The following FREM3 variants were observed in gnomAD, a reference collection of about 807,000 sequenced individuals.
FREM3 encodes the protein FRAS1 related extracellular matrix 3.
Under a neutral mutation model 129.1 loss-of-function variants are expected in FREM3, and 105 were observed. The observed-to-expected ratio is 0.81, with a 90% CI of 0.69 to 0.96. FREM3 has a LOEUF of 0.96. Among genes scored for constraint, FREM3 ranks in the 40% least tolerant of loss-of-function variants. The pLI is 0.00. For missense variants in FREM3, 2,593 were observed against 2,666.3 expected (o/e 0.97, Z 0.61); for synonymous variants, 1,014 against 1,044.9 (o/e 0.97, Z 0.57).
In FREM3 at chr4:143,700,396, G is replaced by A. The variant is rs770266549; in HGVS notation, c.280C>T (p.Arg94Trp). 6 of 1,534,476 alleles carry A rather than the reference G, an allele frequency of 3.9e-6. No homozygotes were observed. Among genetic ancestry groups the A allele is most frequent in the Non-Finnish European group, 1.7e-6 (2 of 1,145,886 alleles). The stretch of plus-strand genomic sequence containing the variant: ...GCGTCCAGTACCGTGACTTCGCACC[G>A]GTCCCCCGGCTGCACTCCAATCACC... ...DLVIGVQPGDRCEVTVLDALP... is the reference protein window; with the variant it reads ...DLVIGVQPGDWCEVTVLDALP... The change falls in exon 1 of 8, where the codon CGG becomes TGG. Residue 94 changes from arginine to tryptophan, a missense_variant. Physicochemically the swap from Arg to Trp is moderately radical, Grantham distance 101. Around this residue, in one of 2 missense-constraint regions of FREM3, gnomAD observed 2,276 missense variants for 2,267.2 expected, o/e 1.00. Coordinates refer to ENST00000329798, the MANE Select transcript of FREM3 (RefSeq NM_001168235.2).
Position 143,693,150 on chromosome 4 carries a change from T to G in FREM3, c.5238A>C (p.Ala1746=). The change falls in exon 2 of 8, where the codon GCA becomes GCC. Residue 1746 remains alanine, a synonymous_variant. Transcript: ENST00000329798. ...ISYVLNEGSN[A]SKDIFYFSVE... ...CAGAGAAATAGAAGATGTCCTTTGATGCGTTGCTGCCCTCATTCAAGACAT... is the reference window on the plus strand; with the variant it reads ...CAGAGAAATAGAAGATGTCCTTTGAGGCGTTGCTGCCCTCATTCAAGACAT... 3.9e-6 allele frequency: 6 copies of G among 1,523,838 alleles called. No individual in the cohort carries two copies. The highest frequency in any genetic ancestry group is 1.2e-5 in the South Asian group (1 of 81,522). The allele number at this position is 1,523,838 out of a possible 1,614,324, so 94.4% of individuals were successfully genotyped here.
At chr4:143,683,383 CCTCCT>C (rs1313856108) in intron 2 of FREM3, among the ~76,000 whole-genome samples, 1 of 152,150 alleles carries the variant, frequency 6.6e-6, no homozygotes, top group Non-Finnish European at 1.5e-5. Flanking sequence ...AAAGGGAGAC[CCTCCT>C]CTCCTAAACA....
rs191050277 is a variant in FREM3 at position 143,699,502 on chromosome 4, G to T, written c.1174C>A (p.Pro392Thr). 9 of 1,537,280 alleles carry T rather than the reference G, an allele frequency of 5.9e-6. No individual in the cohort carries two copies. In the South Asian group the frequency reaches 9.5e-5, roughly 16 times the overall value. The change falls in exon 1 of 8, where the codon CCT becomes ACT. Residue 392 changes from proline (P) to threonine (T), a missense_variant. Around this residue, in one of 2 missense-constraint regions of FREM3, gnomAD observed 2,276 missense variants for 2,267.2 expected, o/e 1.00. Transcript: ENST00000329798. This position sits in a 1 kb window ranked among gnomAD's most constrained non-coding sequence, Gnocchi z 4.2. ...LRELKIAYQP[P>T]AENSHGERLF... Reference sequence around the variant, plus strand: ...CGCTCCCCATGGGAGTTCTCTGCAGGGGGCTGATAGGCAATCTTCAGCTCC... The same window carrying T: ...CGCTCCCCATGGGAGTTCTCTGCAGTGGGCTGATAGGCAATCTTCAGCTCC...
At chr4:143,579,806 T>G (rs574113785) in intron 7 of FREM3, among the ~76,000 whole-genome samples, 2 of 152,342 alleles carry the variant, frequency 1.3e-5, no homozygotes, top group East Asian at 3.9e-4. Context: ...TTAGCGGATG[T>G]CAAATATTTA....
intron 2 of FREM3, among the ~76,000 whole-genome samples, chr4:143,636,096 T>G (rs1223099891): frequency 6.6e-6 from 1 of 151,920 alleles, no homozygotes; most frequent in African/African-American, 2.4e-5. Context: ...ATATCATCTT[T>G]ATAACTTAAG....
At chr4:143,641,147 G>A (rs1236697116) in intron 2 of FREM3, among the ~76,000 whole-genome samples, 1 of 152,132 alleles carries the variant, frequency 6.6e-6, no homozygotes, top group Non-Finnish European at 1.5e-5. Context: ...AATAGGAGGT[G>A]TAAAAGCCAG....
chr4:143,581,458 C>T (rs1426122338), intron 7 of FREM3, among the ~76,000 whole-genome samples: 1 of 152,186 alleles, frequency 6.6e-6, no homozygotes, highest in African/African-American at 2.4e-5. Flanking sequence ...GTTCACCAGG[C>T]AGGGCCCCCA....
At chr4:143,694,076 A>C (rs1182226016) in intron 1 of FREM3, among the ~76,000 whole-genome samples, 1 of 152,218 alleles carries the variant, frequency 6.6e-6, no homozygotes, top group African/African-American at 2.4e-5. Flanking sequence ...GTGATGAAAT[A>C]ATCTGTACAA....
Position 143,624,267 on chromosome 4 carries a change from A to G in FREM3, c.5494T>C (p.Phe1832Leu). 6.5e-7 allele frequency: 1 copy of G among 1,536,972 alleles called. No homozygotes were observed. The highest frequency in any genetic ancestry group is 8.7e-7 in the Non-Finnish European group (1 of 1,146,734). The change falls in exon 4 of 8, where the codon TTC becomes CTC. Residue 1832 changes from phenylalanine (F) to leucine (L), a missense_variant. Transcript: ENST00000329798. Reference protein sequence around the residue: ...FKWKTNKQIQFNPGQTTATWR... With the variant: ...FKWKTNKQIQLNPGQTTATWR... ...GTGGCTGTAGTCTGTCCAGGATTGA[A>G]CTGGATCTGTTTATTGGTCTTCCAT...
chr4:143,699,366 T>C lies in FREM3; in HGVS notation c.1310A>G (p.His437Arg), dbSNP rs1015395147. 3.9e-6 allele frequency: 6 copies of C among 1,537,284 alleles called. No homozygotes were observed. The South Asian group carries it at 5.9e-5, about 15-fold the overall frequency. The change falls in exon 1 of 8, where the codon CAT (histidine) becomes CGT (arginine). Residue 437 changes from histidine to arginine, a missense_variant. Physicochemically the swap from His to Arg is conservative, Grantham distance 29. Around this residue, in one of 2 missense-constraint regions of FREM3, gnomAD observed 2,276 missense variants for 2,267.2 expected, o/e 1.00. Coordinates refer to ENST00000329798, the MANE Select transcript of FREM3 (RefSeq NM_001168235.2). The surrounding 1 kb of genome is among the most constrained non-coding windows in gnomAD (Gnocchi z 4.2). ...SMNTLVPVAS[H>R]NRGLVLFEGQ... The stretch of plus-strand genomic sequence containing the variant: ...TTCAAAAAGCACAAGTCCCCTGTTA[T>C]GGCTAGCCACTGGGACCAGAGTATT...
chr4:143,610,497 G>A (rs1398697623), intron 6 of FREM3, among the ~76,000 whole-genome samples: 2 of 152,058 alleles, frequency 1.3e-5, no homozygotes, highest in Admixed American at 1.3e-4. Context: ...TTAATTTTGG[G>A]TCCTTAATAA....
rs2149843051 is a variant in FREM3 at position 143,627,603 on chromosome 4, A to G, written c.5422+11T>C. 6.5e-7 allele frequency: 1 copy of G among 1,533,956 alleles called. No homozygotes were observed. Among genetic ancestry groups the G allele is most frequent in the Non-Finnish European group, 8.7e-7 (1 of 1,144,196 alleles). ...TGACCTTTTACCAACAACCAATCCA[A>G]AGTTACTTACTGATAAATGATGTTT... On this transcript the variant is annotated intron_variant, in intron 3 of 7. Transcript: ENST00000329798.
chr4:143,675,004 A>G (rs1740082390), intron 2 of FREM3, among the ~76,000 whole-genome samples: 1 of 152,242 alleles, frequency 6.6e-6, no homozygotes, highest in Admixed American at 6.5e-5. Flanking sequence ...TAACAAGGAT[A>G]TCCAGGAATT....
intron 6 of FREM3, among the ~76,000 whole-genome samples, chr4:143,596,095 G>A (rs1192074071): frequency 6.6e-6 from 1 of 152,154 alleles, no homozygotes; most frequent in Admixed American, 6.5e-5. Context: ...TTGTTTATTG[G>A]TAGTGTGTAA....
Position 143,642,739 on chromosome 4 carries a change from A to G in FREM3, c.5276-14979T>C, listed in dbSNP as rs553918394. ...ACATTGGGCTGGGAAAGGGTTTTTT[A>G]AATAAGACCTTAAAAGCACAGGCAA... is the stretch of plus-strand genomic sequence containing the variant. On this transcript the variant is annotated intron_variant, in intron 2 of 7. Coordinates refer to ENST00000329798, the MANE Select transcript of FREM3 (RefSeq NM_001168235.2). 5.3e-5 allele frequency among the ~76,000 whole-genome samples: 8 copies of G among 152,276 alleles called. No homozygotes were observed. The South Asian group carries it at 1.7e-3, about 32-fold the overall frequency.
intron 2 of FREM3, 71 bp from the exon 3 acceptor site, chr4:143,627,831 C>T (rs1346685115): frequency 7.1e-6 from 7 of 982,920 alleles, no homozygotes; most frequent in South Asian, 3.1e-5. Flanking sequence ...TCAATGTGTG[C>T]ATTTTACTTC....
In FREM3 at chr4:143,699,707, T is replaced by C; in HGVS notation, c.969A>G (p.Thr323=). ...CGGCCAGTGCGTCAGGCGTCAGGGC[T>C]GTCAGCACCAGTGGATCCACCTCCA... ...MMMEVDPLVL[T]ALTPDALAAE... is the part of the protein sequence containing the mutation. Residue 323 remains threonine (T), a synonymous_variant, in exon 1 of 8, where the codon ACA becomes ACG. Transcript: ENST00000329798. The surrounding 1 kb of genome is among the most constrained non-coding windows in gnomAD (Gnocchi z 4.2). The C allele has an allele frequency of 2.0e-6, 3 of 1,521,098 alleles. No homozygotes were observed. The highest frequency in any genetic ancestry group is 2.4e-5 in the South Asian group (2 of 81,698). 94.2% of individuals were successfully genotyped at this position (1,521,098 alleles called of 1,614,324 possible). A position where few individuals can be genotyped will look rare whatever the true frequency, so the allele number is the denominator to read the frequency against.
At chr4:143,667,717 G>T (rs1739889337) in intron 2 of FREM3, among the ~76,000 whole-genome samples, 1 of 152,196 alleles carries the variant, frequency 6.6e-6, no homozygotes, top group Non-Finnish European at 1.5e-5. Context: ...CAAAATGTCT[G>T]CCCGGAGTAG....
chr4:143,694,587 A>G (rs1391632056), intron 1 of FREM3, among the ~76,000 whole-genome samples: 2 of 152,196 alleles, frequency 1.3e-5, no homozygotes, highest in Non-Finnish European at 2.9e-5. Flanking sequence ...TAAAGTTTAT[A>G]TAAGTTTAAT....
Sources: gnomAD v4.1 joint callset for allele counts (sites outside exome capture counted in the v4.1 genomes callset) on GRCh38, gnomAD v4.1.1 for gene constraint, gnomAD v4.1.1 regional missense constraint, Gnocchi (gnomAD v3.1) non-coding constraint, MANE v1.5 for transcripts, NCBI Gene and HGNC (gene_info 2026-07-23, HGNC 2026-07-21) for gene names.